DNAH17: variants seen among roughly 807,000 people sequenced by gnomAD.
The protein encoded by DNAH17 is dynein axonemal heavy chain 17, also known as axonemal beta dynein heavy chain 17.
DNAH17 carries 376 observed loss-of-function variants against 485.6 expected under a neutral mutation model. The observed-to-expected ratio is 0.77, with a 90% confidence interval of 0.71 to 0.84. The LOEUF (loss-of-function observed/expected upper bound fraction) is 0.84, where lower values mean the gene tolerates loss of function less well. DNAH17 is among the 40% of genes least tolerant of loss of function. The pLI is 0.00. For missense variants in DNAH17, 6,370 were observed against 5,839.3 expected (o/e 1.09, Z -2.96); for synonymous variants, 3,031 against 2,405.9 (o/e 1.26, Z -7.60).
At chr17:78,556,857 C>T (rs1568249886) in intron 14 of DNAH17, among the ~76,000 whole-genome samples, 1 of 152,152 alleles carries the variant, frequency 6.6e-6, no homozygotes, top group Non-Finnish European at 1.5e-5. Context: ...AAGAATGGTG[C>T]TACATGCAAC....
At chr17:78,452,860 G>T (rs574237728) in intron 65 of DNAH17, among the ~76,000 whole-genome samples, 41 of 152,328 alleles carry the variant, frequency 2.7e-4, no homozygotes, top group Non-Finnish European at 5.1e-4. Context: ...CAGAGTAGTG[G>T]ATGTTAGGGC....
chr17:78,503,563 C>T (rs2090380721), intron 31 of DNAH17, among the ~76,000 whole-genome samples: 1 of 152,064 alleles, frequency 6.6e-6, no homozygotes, highest in African/African-American at 2.4e-5. Flanking sequence ...TCCTGGCTCA[C>T]TGCAGCCTCC....
chr17:78,460,081 G>A (rs2088023412), intron 59 of DNAH17, 80 bp from the exon 60 acceptor site: 2 of 1,588,914 alleles, frequency 1.3e-6, no homozygotes, highest in African/African-American at 2.7e-5. Flanking sequence ...CGCCATGAGT[G>A]TGTCACCACC....
At position 78,500,196 on chromosome 17, in the gene DNAH17, AG is replaced by A. The variant is rs1399484735; in HGVS notation, c.5640+108del. On this transcript the variant is annotated intron_variant, in intron 36 of 80. Coordinates refer to ENST00000389840, the MANE Select transcript of DNAH17 (RefSeq NM_173628.4). ...GCACCTCCTCTCCAGTGCCATTCAC[AG>A]GTATCCAGAGATCTGGAGTTTACTG... is the stretch of plus-strand genomic sequence containing the variant. The A allele has an allele frequency of 2.4e-6, 3 of 1,251,022 alleles. No homozygotes were observed. In the African/African-American group the frequency reaches 4.6e-5, roughly 19 times the overall value. 77.5% of individuals were successfully genotyped at this position (1,251,022 alleles called of 1,614,324 possible).
In DNAH17 at chr17:78,475,404, C is replaced by A. The variant is rs201699259; in HGVS notation, c.8385G>T (p.Gly2795=). The stretch of plus-strand genomic sequence containing the variant: ...CGCCCACCCCCACCAGCAGGGCATT[C>A]CCCCGGGGAGACTCCAGGATGCGAT... The part of the protein sequence containing the change: ...RINRILESPR[G]NALLVGVGGS... Residue 2795 remains glycine (G), a synonymous_variant, in exon 54 of 81, where the codon GGG becomes GGT. Transcript: ENST00000389840. 2.5e-6 allele frequency: 4 copies of A among 1,613,766 alleles called. No individual in the cohort carries two copies. The highest frequency in any genetic ancestry group is 1.3e-5 in the African/African-American group (1 of 74,914).
rs143694911 is a variant in DNAH17 at position 78,494,613 on chromosome 17, G to C, written c.6250C>G (p.Arg2084Gly). The change falls in exon 40 of 81, where the codon CGG (arginine) becomes GGG (glycine). Residue 2084 changes from arginine (R) to glycine (G), a missense_variant. Transcript: ENST00000389840. ...LFPALDVPRK[R>G]DLNFEKIIKQ... is the part of the protein sequence containing the mutation. ...CCGACCTTTTCAAAATTCAGGTCCC[G>C]TTTCCGAGGCACGTCCAGAGCCGGG... The C allele has an allele frequency of 3.7e-6, 6 of 1,613,674 alleles. No individual in the cohort carries two copies. Among genetic ancestry groups the C allele is most frequent in the Non-Finnish European group, 5.1e-6 (6 of 1,179,888 alleles).
At chr17:78,491,310 T>C in intron 43 of DNAH17, 133 bp downstream of exon 43, 2 of 1,319,304 alleles carry the variant, frequency 1.5e-6, no homozygotes, top group South Asian at 1.5e-5. Flanking sequence ...CATAGCTTCC[T>C]GTGGAGATCC....
At chr17:78,558,446 A>ACTGACATCACCCTCATGGGTGG (rs2092075840) in intron 13 of DNAH17, among the ~76,000 whole-genome samples, 192 bp from the exon 14 acceptor site, 1 of 62,344 alleles carries the variant, frequency 1.6e-5, no homozygotes, top group African/African-American at 5.8e-5. Context: ...GCCGGAAAGC[A>ACTGACATCACCCTCATGGGTGG]CTGACATCAC....
At chr17:78,533,163 A>C (rs900854886) in intron 19 of DNAH17, 51 of 192,514 alleles carry the variant, frequency 2.6e-4, no homozygotes, top group Admixed American at 2.2e-3. Flanking sequence ...GATGACTCAC[A>C]CATTGATTCA....
At chr17:78,529,315 T>C (rs566911583) in intron 22 of DNAH17, among the ~76,000 whole-genome samples, 157 bp downstream of exon 22, 3 of 152,068 alleles carry the variant, frequency 2.0e-5, no homozygotes, top group Admixed American at 6.5e-5. Context: ...CCCAGAAACC[T>C]CCTCCCTGCA....
intron 16 of DNAH17, among the ~76,000 whole-genome samples, chr17:78,548,275 G>A (rs956111400): frequency 2.2e-5 from 3 of 133,752 alleles, no homozygotes; most frequent in African/African-American, 5.6e-5. Context: ...CACGATCTCG[G>A]CTCACTGCAA....
At chr17:78,445,784 A>AG (rs2087261818) in intron 69 of DNAH17, 104 bp from the exon 70 acceptor site, 9 of 1,335,778 alleles carry the variant, frequency 6.7e-6, no homozygotes, top group Non-Finnish European at 9.2e-6. Context: ...CCCGGCCTGC[A>AG]GGGGGCGCCC....
intron 6 of DNAH17, 42 bp from the exon 7 acceptor site, chr17:78,570,414 G>T (rs368252003): frequency 6.3e-7 from 1 of 1,587,594 alleles, no homozygotes. Context: ...GGGACTGGCC[G>T]CTGCACCTTA....
intron 16 of DNAH17, among the ~76,000 whole-genome samples, chr17:78,549,051 C>A (rs188182034): frequency 6.6e-6 from 1 of 152,324 alleles, no homozygotes; most frequent in East Asian, 1.9e-4. Flanking sequence ...GATTATTCTC[C>A]TTATAATGGG....
intron 71 of DNAH17, among the ~76,000 whole-genome samples, chr17:78,443,556 T>G (rs1320138109): frequency 6.6e-6 from 1 of 151,920 alleles, no homozygotes; most frequent in Non-Finnish European, 1.5e-5. Flanking sequence ...TTTTTATTTT[T>G]ATTTTTATTT....
chr17:78,560,921 G>A lies in DNAH17; in HGVS notation c.1850C>T (p.Ala617Val), dbSNP rs894576624. ...CTTCTGATAGGTCAGCTTGGCCTCT[G>A]CTCCAGACATGACCCTGGAATCAGA... Reference protein sequence around the residue: ...KHVEHPVMSGAEAKLTYQKYD... With the variant: ...KHVEHPVMSGVEAKLTYQKYD... Residue 617 changes from alanine (A) to valine (V), a missense_variant, in exon 13 of 81, where the codon GCA becomes GTA. Physicochemically the swap from Ala to Val is moderately conservative, Grantham distance 64. Transcript: ENST00000389840. 4 of 1,549,568 alleles carry A rather than the reference G, an allele frequency of 2.6e-6. No homozygotes were observed. The highest frequency in any genetic ancestry group is 2.7e-5 in the African/African-American group (2 of 73,032).
chr17:78,425,395 C>T lies in DNAH17; in HGVS notation c.13092G>A (p.Met4364Ile), dbSNP rs765353245. ...VEVTKKNREDMTAPPREGSYV... is the reference protein window; with the variant it reads ...VEVTKKNREDITAPPREGSYV... ...AGGAGCCCTCTCGCGGAGGAGCGGT[C>T]ATGTCCTCTCGGTTTTTCTTGGTCA... Residue 4364 changes from methionine (M) to isoleucine (I), a missense_variant, in exon 80 of 81, where the codon ATG (methionine) becomes ATA (isoleucine). Met to Ile is a conservative substitution (Grantham distance 10, BLOSUM62 1). Coordinates refer to ENST00000389840, the MANE Select transcript of DNAH17 (RefSeq NM_173628.4). 1.9e-6 allele frequency: 3 copies of T among 1,614,014 alleles called. No individual in the cohort carries two copies. In the Admixed American group the frequency reaches 5.0e-5, roughly 27 times the overall value.
At chr17:78,436,243 A>G (rs2146442624) in intron 74 of DNAH17, among the ~76,000 whole-genome samples, 1 of 152,294 alleles carries the variant, frequency 6.6e-6, no homozygotes, top group East Asian at 1.9e-4. Flanking sequence ...CGTGGCCAAC[A>G]TGGTGAAACC....
In DNAH17 at chr17:78,567,091, C is replaced by G; in HGVS notation, c.1360G>C (p.Gly454Arg). The G allele has an allele frequency of 6.2e-7, 1 of 1,613,002 alleles. No individual in the cohort carries two copies. Among genetic ancestry groups the G allele is most frequent in the Non-Finnish European group, 8.5e-7 (1 of 1,179,546 alleles). The change falls in exon 10 of 81, where the codon GGG becomes CGG. Residue 454 changes from glycine (G) to arginine (R), a missense_variant. Transcript: ENST00000389840. ...ELGGVRGNLL[G>R]SLVTRIYDEV... ...TCATAGATACGGGTCACCAGGCTCC[C>G]GAGGAGGTTCCCACGCACGCCCCCA...
Sources: allele counts gnomAD v4.1 joint callset (sites outside exome capture counted in the v4.1 genomes callset), GRCh38; gene constraint gnomAD v4.1.1; transcripts MANE v1.5; gene names NCBI Gene and HGNC (gene_info 2026-07-23, HGNC 2026-07-21).